The following MLXIP variants were observed in gnomAD, a reference collection of about 807,000 sequenced individuals.
The protein encoded by MLXIP is MLX interacting protein, also known as MLX-interacting protein.
A neutral mutation model predicts 87.2 loss-of-function variants in MLXIP; 30 were observed. The ratio of observed to expected loss-of-function variants is 0.34; its 90% CI spans 0.26 to 0.47. The LOEUF is 0.47. Among genes scored for constraint, MLXIP ranks in the 20% least tolerant of loss-of-function variants. MLXIP has a pLI of 1.00. For missense variants in MLXIP, 1,002 were observed against 1,240.1 expected, an observed-to-expected ratio of 0.81 and a Z score of 2.88; for synonymous variants, 530 against 514.0, an observed-to-expected ratio of 1.03 and a Z score of -0.42.
chr12:122,140,276 A>C (rs1953173965), intron 15 of MLXIP, among the ~76,000 whole-genome samples: 1 of 152,214 alleles, frequency 6.6e-6, no homozygotes, highest in South Asian at 2.1e-4. Context: ...ACTTTCAGGC[A>C]GATGGCTCCT....
At chr12:122,094,780 TGTG>T (rs1460569536) in intron 1 of MLXIP, among the ~76,000 whole-genome samples, 3 of 138,430 alleles carry the variant, frequency 2.2e-5, no homozygotes, top group East Asian at 4.6e-4. Flanking sequence ...GTGGTGTTGG[TGTG>T]GGGTGTGTGT....
chr12:122,129,771 GCT>G, intron 5 of MLXIP, 142 bp downstream of exon 5: 2 of 1,320,912 alleles, frequency 1.5e-6, no homozygotes, highest in Non-Finnish European at 2.1e-6. Context: ...AAGCAGTCCA[GCT>G]CTCTCTCCTG....
chr12:122,088,721 C>T (rs1052659327), intron 1 of MLXIP, among the ~76,000 whole-genome samples: 5 of 152,048 alleles, frequency 3.3e-5, no homozygotes, highest in African/African-American at 1.2e-4. Flanking sequence ...CTATTCCTTC[C>T]TTCTAGGCCT....
At position 122,143,910 on chromosome 12, in the gene MLXIP, G is replaced by C. The variant is rs1953254322; in HGVS notation, c.*2098G>C. The C allele has an allele frequency of 1.3e-5, 2 of 152,646 alleles. No individual in the cohort carries two copies. Among genetic ancestry groups the C allele is most frequent in the African/African-American group, 4.8e-5 (2 of 41,456 alleles). 9.5% of individuals were successfully genotyped at this position (152,646 alleles called of 1,614,324 possible). On this transcript the variant is annotated 3_prime_UTR_variant, in exon 17 of 17. Transcript: ENST00000319080. ...TGTGAGCCTTGAAGTGTGTGTGTGT[G>C]TCCCAGCGACTGTCCACTGTCCAGG...
At chr12:122,085,791 C>T (rs1018571612) in intron 1 of MLXIP, among the ~76,000 whole-genome samples, 1 of 152,092 alleles carries the variant, frequency 6.6e-6, no homozygotes, top group Non-Finnish European at 1.5e-5. Flanking sequence ...GTGTTCGTAT[C>T]GTGGCTTGCT....
At chr12:122,120,041 C>T (rs1306764066) in intron 1 of MLXIP, among the ~76,000 whole-genome samples, 2 of 152,128 alleles carry the variant, frequency 1.3e-5, no homozygotes, top group African/African-American at 4.8e-5. Context: ...TCGCTGTAGC[C>T]CAAAGGTGGA....
chr12:122,079,144 C>G lies in MLXIP; in HGVS notation c.291C>G (p.Tyr97Ter). 1 of 1,551,080 alleles carries G rather than the reference C, an allele frequency of 6.4e-7. No homozygotes were observed. The highest frequency in any genetic ancestry group is 8.7e-7 in the Non-Finnish European group (1 of 1,146,834). The change falls in exon 1 of 17, where the codon TAC becomes TAG. Residue 97 changes from tyrosine to a stop codon, truncating the protein, a stop_gained. Transcript: ENST00000319080. LOFTEE classifies it high-confidence loss of function. Reference sequence around the variant, plus strand: ...GAGAGCACCCGCCCAAGAAGGGCTACGATTTCGACACGGTCAACAAACAGA... The same window carrying G: ...GAGAGCACCCGCCCAAGAAGGGCTAGGATTTCGACACGGTCAACAAACAGA... ...PHREHPPKKG[Y>*]DFDTVNKQTC...
At chr12:122,138,695 A>G in intron 14 of MLXIP, 120 bp from the exon 15 acceptor site, 1 of 1,500,222 alleles carries the variant, frequency 6.7e-7, no homozygotes, top group Non-Finnish European at 8.9e-7. Context: ...CTCCTTCCAC[A>G]GACCTCTCTT....
intron 3 of MLXIP, chr12:122,128,231 A>G (rs1593105194): frequency 3.1e-5 from 13 of 413,792 alleles, no homozygotes; most frequent in East Asian, 2.5e-4. Context: ...GTGTGTGTCT[A>G]TGTGTGATTA....
In MLXIP at chr12:122,078,785, G is replaced by C. The variant is rs1331808205; in HGVS notation, c.-69G>C. ...GGCGCGCGGGCCGGGCCGGGCCGGC[G>C]CCCCTCTGCCTCGCGCGCTTGTCGC... On this transcript the variant is annotated 5_prime_UTR_variant, in exon 1 of 17. Coordinates refer to ENST00000319080, the MANE Select transcript of MLXIP (RefSeq NM_014938.6). 4 of 1,018,706 alleles carry C rather than the reference G, an allele frequency of 3.9e-6. No individual in the cohort carries two copies. Among genetic ancestry groups the C allele is most frequent in the African/African-American group, 3.5e-5 (2 of 56,572 alleles). The allele number at this position is 1,018,706 out of a possible 1,614,324, so 63.1% of individuals were successfully genotyped here. A position where few individuals can be genotyped will look rare whatever the true frequency, so the allele number is the denominator to read the frequency against.
chr12:122,138,723 G>T, intron 14 of MLXIP, 92 bp from the exon 15 acceptor site: 1 of 1,533,516 alleles, frequency 6.5e-7, no homozygotes, highest in Non-Finnish European at 8.8e-7. Flanking sequence ...CCTGGCTGTG[G>T]CCCGGCACTG....
intron 1 of MLXIP, among the ~76,000 whole-genome samples, chr12:122,111,725 A>G (rs1321510119): frequency 6.6e-6 from 1 of 152,146 alleles, no homozygotes. Context: ...TTTCCTTTTT[A>G]TATTATTTAG....
chr12:122,094,539 GTT>G (rs1952316301), intron 1 of MLXIP, among the ~76,000 whole-genome samples: 1 of 144,876 alleles, frequency 6.9e-6, no homozygotes, highest in Non-Finnish European at 1.5e-5. Flanking sequence ...TGTGTGGTGT[GTT>G]GGTGTGTGGG....
chr12:122,132,182 A>G, intron 7 of MLXIP, 110 bp from the exon 8 acceptor site: 1 of 782,614 alleles, frequency 1.3e-6, no homozygotes. Context: ...TCGGCCTCCC[A>G]AAGTGCTGGG....
At chr12:122,103,116 G>A (rs1476286728) in intron 1 of MLXIP, among the ~76,000 whole-genome samples, 2 of 152,082 alleles carry the variant, frequency 1.3e-5, no homozygotes, top group Non-Finnish European at 2.9e-5. Flanking sequence ...GCATTTTCCC[G>A]CCTTGGCTTC....
intron 1 of MLXIP, among the ~76,000 whole-genome samples, chr12:122,103,827 C>T (rs1390173028): frequency 7.3e-6 from 1 of 137,422 alleles, no homozygotes; most frequent in Non-Finnish European, 1.5e-5. Context: ...CTGTGCCCGG[C>T]CTAATTTTGT....
intron 1 of MLXIP, among the ~76,000 whole-genome samples, chr12:122,103,713 T>C (rs1324499174): frequency 6.7e-6 from 1 of 149,140 alleles, no homozygotes; most frequent in Non-Finnish European, 1.5e-5. Flanking sequence ...TTTTTTTTAG[T>C]AGAGACAGGG....
chr12:122,116,345 T>C (rs1383828013), intron 1 of MLXIP, among the ~76,000 whole-genome samples: 1 of 152,158 alleles, frequency 6.6e-6, no homozygotes, highest in African/African-American at 2.4e-5. Flanking sequence ...AACGTGCAGG[T>C]TTGTTACATA....
At chr12:122,099,186 A>G (rs543416729) in intron 1 of MLXIP, among the ~76,000 whole-genome samples, 9 of 152,238 alleles carry the variant, frequency 5.9e-5, no homozygotes, top group Non-Finnish European at 1.3e-4. Flanking sequence ...GCAGTGAACC[A>G]TGATCGTGCC....
Sources: gnomAD v4.1 joint callset for allele counts (sites outside exome capture counted in the v4.1 genomes callset) on GRCh38, gnomAD v4.1.1 for gene constraint, MANE v1.5 for transcripts, NCBI Gene and HGNC (gene_info 2026-07-23, HGNC 2026-07-21) for gene names.